Variants in DNAJB14 observed in about 807,000 individuals in gnomAD.
The protein encoded by DNAJB14 is dnaJ homolog subfamily B member 14.
Under a neutral mutation model 48.4 loss-of-function variants are expected in DNAJB14, and 22 were observed. That is an observed-to-expected ratio of 0.45 (90% confidence interval 0.32 to 0.65). The LOEUF (loss-of-function observed/expected upper bound fraction) is 0.65. DNAJB14 is among the 30% of genes least tolerant of loss of function. The probability of loss-of-function intolerance (pLI) is 0.03; values close to 1 mark genes in which losing one functional copy is unlikely to be tolerated. For synonymous variants in DNAJB14, 142 were observed against 158.7 expected (o/e 0.89, Z 0.79); for missense variants, 319 against 458.8 (o/e 0.70, Z 2.78).
chr4:99,945,006 G>A (rs1331626999), intron 1 of DNAJB14, among the ~76,000 whole-genome samples: 2 of 152,184 alleles, frequency 1.3e-5, no homozygotes, highest in Admixed American at 1.3e-4. Flanking sequence ...GGTAACTAAA[G>A]TAGTTAAATT....
intron 1 of DNAJB14, among the ~76,000 whole-genome samples, chr4:99,938,463 C>T (rs1298379747): frequency 6.6e-6 from 1 of 150,634 alleles, no homozygotes; most frequent in Non-Finnish European, 1.5e-5. Flanking sequence ...AAGAGAGTGT[C>T]CTTGTCTTAG....
At chr4:99,906,107 G>T (rs1161771564) in intron 5 of DNAJB14, 16 of 1,313,348 alleles carry the variant, frequency 1.2e-5, no homozygotes, top group Non-Finnish European at 1.6e-5. Context: ...TTAATTTCTA[G>T]TCTAGTGCTC....
intron 2 of DNAJB14, chr4:99,925,803 A>C (rs1005842511): frequency 6.6e-6 from 1 of 152,208 alleles, no homozygotes; most frequent in African/African-American, 2.4e-5. Flanking sequence ...ATAGAAACAG[A>C]GAAAGGAAGG....
intron 3 of DNAJB14, among the ~76,000 whole-genome samples, chr4:99,912,069 G>A (rs771414010): frequency 8.5e-5 from 13 of 152,208 alleles, no homozygotes; most frequent in East Asian, 7.7e-4. Context: ...GATACTTTTC[G>A]TCAGGGTTAA....
chr4:99,919,731 T>C (rs1725986920), intron 3 of DNAJB14, among the ~76,000 whole-genome samples: 2 of 152,226 alleles, frequency 1.3e-5, no homozygotes, highest in Admixed American at 6.5e-5. Context: ...TTATTTTATA[T>C]ATTAATGTTT....
In DNAJB14 at chr4:99,905,653, C is replaced by T. The variant is rs530474993; in HGVS notation, c.786G>A (p.Val262=). The change falls in exon 6 of 8, where the codon GTG becomes GTA. Residue 262 remains valine (V), a synonymous_variant. Coordinates refer to ENST00000442697, the MANE Select transcript of DNAJB14 (RefSeq NM_001031723.4). ...AGACCATCAACTGGCTTAATAATGA[C>T]ACGAGGATCAATACAATTATGGGCA... ...QLMPIIVLIL[V]SLLSQLMVSN... is the part of the protein sequence containing the mutation. The T allele has an allele frequency of 6.2e-5, 100 of 1,612,244 alleles. No individual in the cohort carries two copies. In the South Asian group the frequency reaches 1.0e-3, roughly 16 times the overall value.
At chr4:99,935,135 C>T (rs1324237132) in intron 1 of DNAJB14, among the ~76,000 whole-genome samples, 2 of 151,604 alleles carry the variant, frequency 1.3e-5, no homozygotes, top group Non-Finnish European at 2.9e-5. Context: ...AACAAAAAAT[C>T]TGAAACTATT....
intron 2 of DNAJB14, chr4:99,928,797 A>G (rs1269253512): frequency 6.4e-6 from 1 of 157,012 alleles, no homozygotes; most frequent in Non-Finnish European, 1.4e-5. Context: ...TTCATTGAGA[A>G]TATGTTCTCC....
chr4:99,896,287 A>G lies in DNAJB14; in HGVS notation c.*4741T>C, dbSNP rs1578207267. On this transcript the variant is annotated 3_prime_UTR_variant, in exon 8 of 8. Transcript: ENST00000442697. ...CAGACCTTTTTATTAATATATTGAGATAAACTACAGAGACTGAAAGACAAA... is the reference window on the plus strand; with the variant it reads ...CAGACCTTTTTATTAATATATTGAGGTAAACTACAGAGACTGAAAGACAAA... 1 of 152,212 alleles carries G rather than the reference A, an allele frequency of 6.6e-6. No homozygotes were observed. The highest frequency in any genetic ancestry group is 1.5e-5 in the Non-Finnish European group (1 of 68,026). 9.4% of individuals were successfully genotyped at this position (152,212 alleles called of 1,614,324 possible).
At chr4:99,912,232 A>G (rs1418410621) in intron 3 of DNAJB14, among the ~76,000 whole-genome samples, 1 of 152,074 alleles carries the variant, frequency 6.6e-6, no homozygotes, top group Non-Finnish European at 1.5e-5. Flanking sequence ...CTATTGATCT[A>G]TGTGTGTATC....
intron 3 of DNAJB14, among the ~76,000 whole-genome samples, chr4:99,916,327 T>C (rs1348588706): frequency 1.3e-5 from 2 of 152,032 alleles, no homozygotes; most frequent in African/African-American, 4.8e-5. Context: ...TTTATAGAGA[T>C]GGGGGTCTCA....
chr4:99,905,886 A>C (rs1725447305), intron 5 of DNAJB14, 180 bp from the exon 6 acceptor site: 4 of 831,874 alleles, frequency 4.8e-6, no homozygotes, highest in Admixed American at 6.2e-5. Flanking sequence ...GCATATCACC[A>C]GGAGATTCTG....
intron 3 of DNAJB14, among the ~76,000 whole-genome samples, chr4:99,917,321 A>G (rs1170152293): frequency 6.6e-6 from 1 of 152,198 alleles, no homozygotes; most frequent in Non-Finnish European, 1.5e-5. Flanking sequence ...CTATAACAAA[A>G]TATCATAAAC....
At chr4:99,911,464 CAACT>C (rs1294898268) in intron 3 of DNAJB14, among the ~76,000 whole-genome samples, 1 of 152,108 alleles carries the variant, frequency 6.6e-6, no homozygotes, top group East Asian at 1.9e-4. Context: ...AGAAACTGCC[CAACT>C]GTTGTACAGA....
chr4:99,902,686 T>G (rs1725335193), intron 7 of DNAJB14, among the ~76,000 whole-genome samples: 1 of 152,172 alleles, frequency 6.6e-6, no homozygotes, highest in African/African-American at 2.4e-5. Context: ...CCTGATTTAA[T>G]TTTCACAACA....
intron 2 of DNAJB14, chr4:99,924,547 C>T (rs1402865826): frequency 1.4e-5 from 7 of 497,170 alleles, no homozygotes; most frequent in Middle Eastern, 5.1e-4. Context: ...TAACATACAT[C>T]AATTTTATTC....
chr4:99,909,096 T>A (rs192638403), intron 3 of DNAJB14, among the ~76,000 whole-genome samples, 200 bp from the exon 4 acceptor site: 1 of 152,190 alleles, frequency 6.6e-6, no homozygotes, highest in East Asian at 1.9e-4. Context: ...ACCAGACAAG[T>A]CTCTCTACTG....
At chr4:99,938,920 T>A (rs1560749137) in intron 1 of DNAJB14, among the ~76,000 whole-genome samples, 2 of 152,160 alleles carry the variant, frequency 1.3e-5, no homozygotes, top group African/African-American at 2.4e-5. Flanking sequence ...TTATCATGAT[T>A]TTCCTATATA....
intron 1 of DNAJB14, among the ~76,000 whole-genome samples, chr4:99,943,418 T>G (rs977957377): frequency 2.0e-5 from 3 of 152,188 alleles, no homozygotes; most frequent in Admixed American, 6.5e-5. Context: ...TTTTAGGAGA[T>G]TTATTCAAAT....
Sources: gnomAD v4.1 joint callset for allele counts (sites outside exome capture counted in the v4.1 genomes callset) on GRCh38, gnomAD v4.1.1 for gene constraint, MANE v1.5 for transcripts, NCBI Gene and HGNC (gene_info 2026-07-23, HGNC 2026-07-21) for gene names.